DCLK2: variants seen among roughly 807,000 people sequenced by gnomAD.
The protein encoded by DCLK2 is doublecortin like kinase 2.
DCLK2 carries 31 observed loss-of-function variants against 78.4 expected under a neutral mutation model. The ratio of observed to expected loss-of-function variants is 0.40; its 90% CI spans 0.30 to 0.53. The LOEUF is 0.53. DCLK2 is among the 20% of genes least tolerant of loss of function. The pLI, the probability that DCLK2 is intolerant of heterozygous loss-of-function variation, is 0.61. For synonymous variants in DCLK2, 407 were observed against 374.9 expected (o/e 1.09, Z -0.99); for missense variants, 872 against 973.7 (o/e 0.90, Z 1.39).
chr4:150,088,262 TA>T (rs1276420510), intron 1 of DCLK2, among the ~76,000 whole-genome samples: 1 of 152,196 alleles, frequency 6.6e-6, no homozygotes, highest in Non-Finnish European at 1.5e-5. Context: ...TAGTACAGTG[TA>T]AACTTGTCTC....
At chr4:150,124,509 T>C (rs2150187089) in intron 2 of DCLK2, among the ~76,000 whole-genome samples, 1 of 152,352 alleles carries the variant, frequency 6.6e-6, no homozygotes, top group South Asian at 2.1e-4. Flanking sequence ...CAGTGCATAC[T>C]GAAGCTGACG....
chr4:150,253,824 G>A, intron 15 of DCLK2: 3 of 985,488 alleles, frequency 3.0e-6, no homozygotes, highest in Non-Finnish European at 3.6e-6. Flanking sequence ...TACCGATGCT[G>A]TTTCCCACTT....
chr4:150,206,537 TTCC>T (rs1189544132), intron 5 of DCLK2, among the ~76,000 whole-genome samples: 1 of 152,208 alleles, frequency 6.6e-6, no homozygotes, highest in Non-Finnish European at 1.5e-5. Context: ...GCTGTGATAC[TTCC>T]TCTGGGTTTT....
At chr4:150,148,752 G>A (rs1463648670) in intron 2 of DCLK2, among the ~76,000 whole-genome samples, 1 of 152,012 alleles carries the variant, frequency 6.6e-6, no homozygotes, top group Non-Finnish European at 1.5e-5. Context: ...ATAAGTGGAG[G>A]CCAGGCGTGG....
At chr4:150,208,277 A>C (rs962217472) in intron 5 of DCLK2, among the ~76,000 whole-genome samples, 2 of 152,236 alleles carry the variant, frequency 1.3e-5, no homozygotes, top group Non-Finnish European at 2.9e-5. Flanking sequence ...AGTTTTGGTC[A>C]TAAAAGTTTT....
intron 5 of DCLK2, among the ~76,000 whole-genome samples, chr4:150,218,463 A>G (rs1327823917): frequency 6.6e-6 from 1 of 152,202 alleles, no homozygotes; most frequent in East Asian, 1.9e-4. Flanking sequence ...CAGACAACAC[A>G]TCAGCTTGCA....
chr4:150,149,794 T>C (rs1437076591), intron 2 of DCLK2, among the ~76,000 whole-genome samples: 1 of 152,202 alleles, frequency 6.6e-6, no homozygotes, highest in Non-Finnish European at 1.5e-5. Flanking sequence ...GATTCTGGAC[T>C]TCATTGAAAG....
chr4:150,249,964 C>T (rs1350238297), intron 15 of DCLK2, among the ~76,000 whole-genome samples: 1 of 152,162 alleles, frequency 6.6e-6, no homozygotes, highest in Non-Finnish European at 1.5e-5. Context: ...ACTCTTGTCT[C>T]TGCCTTCTCA....
intron 2 of DCLK2, among the ~76,000 whole-genome samples, chr4:150,151,256 A>G (rs1427734827): frequency 2.6e-5 from 4 of 152,224 alleles, no homozygotes; most frequent in East Asian, 1.9e-4. Flanking sequence ...ATTTCTGGAA[A>G]GGGTAACCAG....
chr4:150,240,749 TAAAAAA>T (rs372514541), intron 12 of DCLK2, among the ~76,000 whole-genome samples: 1 of 59,988 alleles, frequency 1.7e-5, no homozygotes, highest in African/African-American at 6.5e-5. Flanking sequence ...TAAAATATAA[TAAAAAA>T]AAAAAAAGAA....
At chr4:150,158,414 C>T (rs1344640858) in intron 2 of DCLK2, among the ~76,000 whole-genome samples, 3 of 152,190 alleles carry the variant, frequency 2.0e-5, no homozygotes, top group Admixed American at 6.5e-5. Flanking sequence ...CAGTCTATAA[C>T]ACCTCCCAAT....
intron 2 of DCLK2, among the ~76,000 whole-genome samples, chr4:150,128,069 G>A (rs1263637189): frequency 6.6e-6 from 1 of 151,768 alleles, no homozygotes; most frequent in African/African-American, 2.4e-5. Flanking sequence ...TTTTGCCCAT[G>A]AGGAGACATT....
intron 8 of DCLK2, among the ~76,000 whole-genome samples, chr4:150,230,074 G>A (rs1741925316): frequency 6.7e-6 from 1 of 148,306 alleles, no homozygotes; most frequent in African/African-American, 2.4e-5. Flanking sequence ...GACAGCAAGA[G>A]GTTGAGAAAG....
chr4:150,166,401 G>A (rs1264387284), intron 2 of DCLK2, among the ~76,000 whole-genome samples: 1 of 152,048 alleles, frequency 6.6e-6, no homozygotes, highest in African/African-American at 2.4e-5. Flanking sequence ...GGCTGAGTTA[G>A]GAGGATCACT....
intron 4 of DCLK2, among the ~76,000 whole-genome samples, chr4:150,198,475 A>T (rs1477109114): frequency 8.3e-5 from 9 of 108,444 alleles, no homozygotes; most frequent in Non-Finnish European, 2.3e-4. Flanking sequence ...ACACATGCAC[A>T]TGCACACACT....
chr4:150,123,479 G>A (rs1401006331), intron 2 of DCLK2, among the ~76,000 whole-genome samples: 1 of 152,122 alleles, frequency 6.6e-6, no homozygotes, highest in Non-Finnish European at 1.5e-5. Context: ...AATGATTACA[G>A]TAGTAACATC....
chr4:150,171,307 C>T (rs934862459), intron 2 of DCLK2, among the ~76,000 whole-genome samples: 1 of 152,046 alleles, frequency 6.6e-6, no homozygotes, highest in Non-Finnish European at 1.5e-5. Flanking sequence ...GGTGAAACCC[C>T]ATCTCTACTA....
At chr4:150,177,437 G>A (rs1172483594) in intron 2 of DCLK2, among the ~76,000 whole-genome samples, 1 of 152,120 alleles carries the variant, frequency 6.6e-6, no homozygotes, top group Non-Finnish European at 1.5e-5. Context: ...GTCTATGGGC[G>A]AGGAATGAAT....
At chr4:150,103,411 G>T (rs1678419395) in intron 2 of DCLK2, among the ~76,000 whole-genome samples, 1 of 152,086 alleles carries the variant, frequency 6.6e-6, no homozygotes, top group African/African-American at 2.4e-5. Context: ...GGGAACCTAA[G>T]GGACAAAAAA....
Sources: allele counts gnomAD v4.1 joint callset (sites outside exome capture counted in the v4.1 genomes callset), GRCh38; gene constraint gnomAD v4.1.1; transcripts MANE v1.5; gene names NCBI Gene and HGNC (gene_info 2026-07-23, HGNC 2026-07-21).